The following VIRMA variants were observed in gnomAD, a reference collection of about 807,000 sequenced individuals.
The protein encoded by VIRMA is protein virilizer homolog.
A neutral mutation model predicts 182.4 loss-of-function variants in VIRMA; 65 were observed. The ratio of observed to expected loss-of-function variants is 0.36; its 90% confidence interval spans 0.29 to 0.44. The LOEUF (loss-of-function observed/expected upper bound fraction) is 0.44, where lower values mean the gene tolerates loss of function less well. Among genes scored for constraint, VIRMA ranks in the 20% least tolerant of loss-of-function variants. The pLI is 1.00. For synonymous variants in VIRMA, 709 were observed against 743.1 expected, an observed-to-expected ratio of 0.95 and a Z score of 0.75; for missense variants, 1,752 against 2,158.1, an observed-to-expected ratio of 0.81 and a Z score of 3.73.
At chr8:94,535,684 G>T (rs1420445591) in intron 4 of VIRMA, among the ~76,000 whole-genome samples, 2 of 152,034 alleles carry the variant, frequency 1.3e-5, no homozygotes, top group African/African-American at 4.8e-5. Flanking sequence ...AGGAGACTGA[G>T]GGAGAGAATT....
At position 94,504,903 on chromosome 8, in the gene VIRMA, A is replaced by G. The variant is rs541198968; in HGVS notation, c.4097+1597T>C. ...AAGAGGACTTAGGACAAGGTTACAG[A>G]TAAGAAAAAAGGACCAGAAACATTA... On this transcript the variant is annotated intron_variant, in intron 16 of 23. Transcript: ENST00000297591. 2.0e-5 allele frequency among the ~76,000 whole-genome samples: 3 copies of G among 152,318 alleles called. No homozygotes were observed. The East Asian group carries it at 5.8e-4, about 29-fold the overall frequency.
At chr8:94,518,336 T>G (rs1377377663) in intron 9 of VIRMA, among the ~76,000 whole-genome samples, 1 of 152,176 alleles carries the variant, frequency 6.6e-6, no homozygotes, top group Non-Finnish European at 1.5e-5. Context: ...CACTCAGTAT[T>G]CCACTATAAA....
chr8:94,514,781 A>G (rs1463425624), intron 11 of VIRMA, 88 bp downstream of exon 11: 1 of 692,654 alleles, frequency 1.4e-6, no homozygotes, highest in East Asian at 2.6e-5. Context: ...CAATGTCTAC[A>G]TTATCTACAC....
intron 2 of VIRMA, among the ~76,000 whole-genome samples, chr8:94,542,523 A>G (rs1018391866): frequency 2.6e-5 from 4 of 152,226 alleles, no homozygotes; most frequent in African/African-American, 7.2e-5. Context: ...AAGCTGCTAT[A>G]TTTGCTAAAA....
intron 16 of VIRMA, among the ~76,000 whole-genome samples, chr8:94,505,719 T>G (rs1814131730): frequency 6.6e-6 from 1 of 151,976 alleles, no homozygotes; most frequent in Non-Finnish European, 1.5e-5. Context: ...CTTGAACTAC[T>G]GGGCTCAAGT....
chr8:94,510,226 T>TA (rs1346137042), intron 14 of VIRMA, among the ~76,000 whole-genome samples, 191 bp downstream of exon 14: 2 of 152,142 alleles, frequency 1.3e-5, no homozygotes, highest in Non-Finnish European at 2.9e-5. Context: ...AATGATGAAA[T>TA]AAAGCTTTCT....
intron 9 of VIRMA, 114 bp from the exon 10 acceptor site, chr8:94,518,056 C>T (rs1215048130): frequency 1.5e-6 from 1 of 666,080 alleles, no homozygotes; most frequent in Non-Finnish European, 2.5e-6. Flanking sequence ...TACAATAAAA[C>T]ATGACTAACT....
At position 94,507,893 on chromosome 8, in the gene VIRMA, G is replaced by GTATATATATGTATATATGTA. The variant is rs1554553852; in HGVS notation, c.3880-1196_3880-1177dup. Among the ~76,000 whole-genome samples the GTATATATATGTATATATGTA allele has an allele frequency of 5.0e-5, 7 of 140,452 alleles. No individual in the cohort carries two copies. The East Asian group carries it at 9.8e-4, about 20-fold the overall frequency. 92.1% of individuals were successfully genotyped at this position (140,452 alleles called of 152,430 possible). On this transcript the variant is annotated intron_variant, in intron 15 of 23. Coordinates refer to ENST00000297591, the MANE Select transcript of VIRMA (RefSeq NM_015496.5). ...ACTTTATATATATACATGTATATAT[G>GTATATATATGTATATATGTA]TATATATATGTATATATGTATGTGT...
chr8:94,541,060 C>T (rs1368790529), intron 2 of VIRMA, among the ~76,000 whole-genome samples: 1 of 151,194 alleles, frequency 6.6e-6, no homozygotes, highest in Admixed American at 6.6e-5. Flanking sequence ...AACACACACA[C>T]ATTAAAAATA....
At chr8:94,516,123 C>T (rs751569075) in intron 10 of VIRMA, among the ~76,000 whole-genome samples, 2 of 152,054 alleles carry the variant, frequency 1.3e-5, no homozygotes, top group Middle Eastern at 3.4e-3. Flanking sequence ...AATGTACATA[C>T]CTACAAAATA....
chr8:94,499,806 A>C (rs950113504), intron 16 of VIRMA, among the ~76,000 whole-genome samples: 1 of 152,002 alleles, frequency 6.6e-6, no homozygotes, highest in Non-Finnish European at 1.5e-5. Flanking sequence ...GCGCTTTGGG[A>C]GGCCGAAGGT....
rs1268212981 is a variant in VIRMA at position 94,511,735 on chromosome 8, T to C, written c.2846-6A>G. On this transcript the variant is annotated splice_polypyrimidine_tract_variant and splice_region_variant and intron_variant, in intron 12 of 23. Coordinates refer to ENST00000297591, the MANE Select transcript of VIRMA (RefSeq NM_015496.5). Reference sequence around the variant, plus strand: ...TTTCAGATCTTTCTGTTGACCTTTATATAGGATAAGAAAAAGAAACAAAAC... The same window carrying C: ...TTTCAGATCTTTCTGTTGACCTTTACATAGGATAAGAAAAAGAAACAAAAC... The C allele has an allele frequency of 5.6e-6, 9 of 1,603,088 alleles. No individual in the cohort carries two copies. The highest frequency in any genetic ancestry group is 6.0e-6 in the Non-Finnish European group (7 of 1,173,632).
At position 94,500,510 on chromosome 8, in the gene VIRMA, A is replaced by G. The variant is rs75235894; in HGVS notation, c.4098-1004T>C. Among the ~76,000 whole-genome samples the G allele has an allele frequency of 5.3e-5, 8 of 152,244 alleles. No homozygotes were observed. The East Asian group carries it at 1.5e-3, about 29-fold the overall frequency. The stretch of plus-strand genomic sequence containing the variant: ...TGAGTCATACTTCCGTGGTCTATCA[A>G]AAGCTGGGGACCTATTAGAATGCCT... On this transcript the variant is annotated intron_variant, in intron 16 of 23. Coordinates refer to ENST00000297591, the MANE Select transcript of VIRMA (RefSeq NM_015496.5).
Position 94,499,425 on chromosome 8 carries a change from A to C in VIRMA, c.4179T>G (p.Leu1393=). The C allele has an allele frequency of 3.7e-6, 6 of 1,607,208 alleles. No homozygotes were observed. Among genetic ancestry groups the C allele is most frequent in the Non-Finnish European group, 5.1e-6 (6 of 1,177,056 alleles). Residue 1393 remains leucine, a synonymous_variant, in exon 17 of 24, where the codon CTT becomes CTG. Coordinates refer to ENST00000297591, the MANE Select transcript of VIRMA (RefSeq NM_015496.5). ...VSTFSKDTGE[L]ASSFLEFMRQ... is the part of the protein sequence containing the mutation. ...TCATAAATTCTAAAAATGAAGATGC[A>C]AGCTCTCCTGTGTCCTTACTAAATG...
At chr8:94,546,808 C>T (rs1303311128) in intron 1 of VIRMA, 3 of 403,898 alleles carry the variant, frequency 7.4e-6, no homozygotes, top group Admixed American at 2.8e-5. Context: ...AACACATTCT[C>T]CTACTGAAGT....
chr8:94,488,922 C>T (rs1165192480), intron 23 of VIRMA, 62 bp from the exon 24 acceptor site: 1 of 1,543,824 alleles, frequency 6.5e-7, no homozygotes, highest in Non-Finnish European at 8.9e-7. Context: ...ATTATAAATA[C>T]TAATCTACGA....
chr8:94,507,566 C>A (rs1586075126), intron 15 of VIRMA, among the ~76,000 whole-genome samples: 1 of 151,942 alleles, frequency 6.6e-6, no homozygotes, highest in African/African-American at 2.4e-5. Context: ...ACGAGCCTGG[C>A]CAACATGGTG....
intron 1 of VIRMA, among the ~76,000 whole-genome samples, chr8:94,548,168 T>C (rs1371884518): frequency 6.6e-6 from 1 of 150,876 alleles, no homozygotes; most frequent in Non-Finnish European, 1.5e-5. Flanking sequence ...CACATACTCT[T>C]TTGTACCTTT....
chr8:94,491,519 T>A, intron 22 of VIRMA, 59 bp downstream of exon 22: 1 of 1,434,528 alleles, frequency 7.0e-7, no homozygotes, highest in Non-Finnish European at 9.6e-7. Context: ...ATCACTTTCA[T>A]TCAATATTTT....
Sources: gnomAD v4.1 joint callset for allele counts (sites outside exome capture counted in the v4.1 genomes callset) on GRCh38, gnomAD v4.1.1 for gene constraint, MANE v1.5 for transcripts, NCBI Gene and HGNC (gene_info 2026-07-23, HGNC 2026-07-21) for gene names.